Variants in SLC2A9 observed in about 807,000 individuals in gnomAD.
SLC2A9 encodes the protein solute carrier family 2, facilitated glucose transporter member 9.
Under a neutral mutation model 50.6 loss-of-function variants are expected in SLC2A9, and 39 were observed. That is an observed-to-expected ratio of 0.77 (90% CI 0.60 to 1.01). SLC2A9 has a LOEUF of 1.01. Ranked by LOEUF, SLC2A9 falls within the 50% of genes least tolerant of loss-of-function variation. The pLI is 0.00. For missense variants in SLC2A9, 686 were observed against 677.6 expected (o/e 1.01, Z -0.14); for synonymous variants, 324 against 276.9 (o/e 1.17, Z -1.69).
At chr4:9,973,025 G>T (rs757857794) in intron 5 of SLC2A9, among the ~76,000 whole-genome samples, 2 of 151,978 alleles carry the variant, frequency 1.3e-5, no homozygotes, top group Non-Finnish European at 2.9e-5. Flanking sequence ...TTATTTGAAA[G>T]GATAAATGAG....
intron 7 of SLC2A9, among the ~76,000 whole-genome samples, chr4:9,911,157 T>A (rs1253816247): frequency 6.6e-6 from 1 of 151,972 alleles, no homozygotes; most frequent in Non-Finnish European, 1.5e-5. Flanking sequence ...ATAATAATAA[T>A]AATAAAGCAA....
At chr4:9,973,626 C>G (rs1388500565) in intron 5 of SLC2A9, among the ~76,000 whole-genome samples, 1 of 148,400 alleles carries the variant, frequency 6.7e-6, no homozygotes, top group East Asian at 2.0e-4. Context: ...AAACCAAACA[C>G]CGCATGTTCT....
At chr4:9,894,355 T>A (rs1253256783) in intron 8 of SLC2A9, among the ~76,000 whole-genome samples, 1 of 152,226 alleles carries the variant, frequency 6.6e-6, no homozygotes, top group African/African-American at 2.4e-5. Flanking sequence ...TGTAGTTATA[T>A]AATATCAATT....
chr4:9,776,468 C>A (rs988013028), downstream of SLC2A9, among the ~76,000 whole-genome samples: 1 of 151,954 alleles, frequency 6.6e-6, no homozygotes, highest in African/African-American at 2.4e-5. Flanking sequence ...TTGGACATCC[C>A]AGCTTTTGGG....
chr4:9,865,701 T>C (rs548345841), intron 10 of SLC2A9, among the ~76,000 whole-genome samples: 44 of 152,340 alleles, frequency 2.9e-4, no homozygotes, highest in African/African-American at 9.6e-4. Flanking sequence ...GTAGCCTGTG[T>C]CTGACCCAAG....
At chr4:9,782,866 G>GC in intron 3 of SLC2A9, 1 of 1,608,274 alleles carries the variant, frequency 6.2e-7, no homozygotes, top group Non-Finnish European at 8.5e-7. Flanking sequence ...CAGCCTGCGC[G>GC]CCCGACACCA....
chr4:9,942,415 C>A (rs1331207607), intron 5 of SLC2A9, among the ~76,000 whole-genome samples: 1 of 152,174 alleles, frequency 6.6e-6, no homozygotes, highest in Non-Finnish European at 1.5e-5. Context: ...GGGCTGCCTC[C>A]CAGGCTGCCC....
intron 3 of SLC2A9, chr4:9,782,617 C>T: frequency 6.2e-7 from 1 of 1,613,984 alleles, no homozygotes; most frequent in Non-Finnish European, 8.5e-7. Flanking sequence ...TGCCAAACAA[C>T]CTGGCCAACT....
At chr4:9,976,785 GA>G (rs2109052677) in intron 5 of SLC2A9, among the ~76,000 whole-genome samples, 2 of 152,326 alleles carry the variant, frequency 1.3e-5, no homozygotes, top group Non-Finnish European at 2.9e-5. Context: ...CCCAGCCTCA[GA>G]ATCTAGGTAC....
chr4:9,870,145 G>A (rs1462168554), intron 10 of SLC2A9, among the ~76,000 whole-genome samples: 1 of 152,246 alleles, frequency 6.6e-6, no homozygotes, highest in Non-Finnish European at 1.5e-5. Flanking sequence ...CTCTGCAGGG[G>A]CACTGCATCC....
chr4:9,928,636 A>G (rs1745339140), intron 6 of SLC2A9, among the ~76,000 whole-genome samples: 1 of 152,194 alleles, frequency 6.6e-6, no homozygotes, highest in African/African-American at 2.4e-5. Flanking sequence ...CGGGAGGCTG[A>G]GGCAGGAGAA....
intron 3 of SLC2A9, among the ~76,000 whole-genome samples, chr4:9,812,783 GT>G (rs902925620): frequency 4.6e-5 from 7 of 151,764 alleles, no homozygotes; most frequent in African/African-American, 1.2e-4. Flanking sequence ...GATAATCCAA[GT>G]TTTTTTTTCT....
At chr4:9,994,694 C>A (rs1484034680) in intron 3 of SLC2A9, among the ~76,000 whole-genome samples, 7 of 151,514 alleles carry the variant, frequency 4.6e-5, no homozygotes, top group African/African-American at 1.5e-4. Flanking sequence ...ACACCTGATA[C>A]ACAGCAGAGT....
chr4:9,899,833 G>T (rs1739263964), intron 8 of SLC2A9, among the ~76,000 whole-genome samples: 1 of 152,162 alleles, frequency 6.6e-6, no homozygotes, highest in African/African-American at 2.4e-5. Context: ...TGCCAACTGG[G>T]ATGGAAGGAA....
At chr4:9,782,232 G>A in intron 3 of SLC2A9, 2 of 1,613,280 alleles carry the variant, frequency 1.2e-6, no homozygotes, top group Non-Finnish European at 8.5e-7. Flanking sequence ...ATCGTGCGGA[G>A]CCGCCACCTG....
chr4:9,966,947 C>T (rs979809746), intron 5 of SLC2A9, among the ~76,000 whole-genome samples: 3 of 152,118 alleles, frequency 2.0e-5, no homozygotes, highest in Non-Finnish European at 2.9e-5. Context: ...CATTCTTGTG[C>T]CCATGCTGCA....
intron 3 of SLC2A9, among the ~76,000 whole-genome samples, chr4:9,812,089 A>G (rs1722967884): frequency 6.6e-6 from 1 of 152,234 alleles, no homozygotes; most frequent in African/African-American, 2.4e-5. Flanking sequence ...AGTCCTAAGT[A>G]ATAAACATTC....
chr4:9,929,675 C>A (rs1396097613), intron 6 of SLC2A9, among the ~76,000 whole-genome samples: 2 of 152,142 alleles, frequency 1.3e-5, no homozygotes, highest in African/African-American at 4.8e-5. Flanking sequence ...GGGGCTAGTG[C>A]TGTCATTCAG....
At chr4:9,797,656 T>C (rs1720747249), downstream of SLC2A9, among the ~76,000 whole-genome samples, 1 of 152,216 alleles carries the variant, frequency 6.6e-6, no homozygotes, top group South Asian at 2.1e-4. Flanking sequence ...TGTTTCTATA[T>C]TGCCCTGTGA....
Sources: gnomAD v4.1 joint callset for allele counts (sites outside exome capture counted in the v4.1 genomes callset) on GRCh38, gnomAD v4.1.1 for gene constraint, MANE v1.5 for transcripts, NCBI Gene and HGNC (gene_info 2026-07-23, HGNC 2026-07-21) for gene names.